The following SGCZ variants were observed in gnomAD, a reference collection of about 807,000 sequenced individuals.
SGCZ encodes zeta-sarcoglycan.
In SGCZ, 40 loss-of-function variants were observed where a neutral mutation model predicts 41.3. The ratio of observed to expected loss-of-function variants is 0.97; its 90% CI spans 0.75 to 1.26. SGCZ has a LOEUF of 1.26. Ranked by LOEUF, SGCZ falls within the 50% of genes most tolerant of loss-of-function variation. The pLI, the probability that SGCZ is intolerant of heterozygous loss-of-function variation, is 0.00. For synonymous variants in SGCZ, 206 were observed against 137.5 expected (o/e 1.50, Z -3.49); for missense variants, 552 against 369.8 (o/e 1.49, Z -4.04).
intron 1 of SGCZ, among the ~76,000 whole-genome samples, chr8:14,778,044 C>A (rs548490753): frequency 2.0e-5 from 3 of 152,196 alleles, no homozygotes; most frequent in African/African-American, 7.2e-5. Context: ...CCACCTTAGC[C>A]TCCCTAGTAG....
At chr8:14,373,867 C>G (rs917003338) in intron 2 of SGCZ, among the ~76,000 whole-genome samples, 1 of 151,980 alleles carries the variant, frequency 6.6e-6, no homozygotes, top group Non-Finnish European at 1.5e-5. Context: ...TGAGAAATAG[C>G]CACACCTGGA....
At chr8:14,208,003 T>C (rs921427837) in intron 4 of SGCZ, among the ~76,000 whole-genome samples, 1 of 152,178 alleles carries the variant, frequency 6.6e-6, no homozygotes, top group Non-Finnish European at 1.5e-5. Context: ...CACACTATGA[T>C]GGACTATTAA....
intron 1 of SGCZ, among the ~76,000 whole-genome samples, chr8:15,205,227 C>G (rs150092619): frequency 2.6e-5 from 4 of 152,154 alleles, no homozygotes; most frequent in African/African-American, 9.6e-5. Flanking sequence ...ACACAAAAAG[C>G]AATCACAACA....
At chr8:14,360,082 C>A (rs949071521) in intron 2 of SGCZ, among the ~76,000 whole-genome samples, 5 of 151,966 alleles carry the variant, frequency 3.3e-5, no homozygotes, top group Admixed American at 1.3e-4. Flanking sequence ...CAAAAACACT[C>A]AAAAAACTGG....
chr8:15,134,672 C>T (rs1349629676), intron 1 of SGCZ, among the ~76,000 whole-genome samples: 1 of 152,062 alleles, frequency 6.6e-6, no homozygotes, highest in Non-Finnish European at 1.5e-5. Flanking sequence ...GACGAGTCAC[C>T]AAAAAGCCCA....
chr8:14,938,417 T>G (rs1276734653), intron 1 of SGCZ, among the ~76,000 whole-genome samples: 2 of 152,188 alleles, frequency 1.3e-5, no homozygotes, highest in Non-Finnish European at 2.9e-5. Flanking sequence ...GTGAAAATGA[T>G]GAAGATGAAG....
intron 2 of SGCZ, among the ~76,000 whole-genome samples, chr8:14,420,505 G>A (rs1799610148): frequency 6.6e-6 from 1 of 151,890 alleles, no homozygotes; most frequent in African/African-American, 2.4e-5. Flanking sequence ...TATTGCTCAG[G>A]TGCTCTAACA....
intron 1 of SGCZ, among the ~76,000 whole-genome samples, chr8:15,227,953 A>G (rs185206078): frequency 2.2e-4 from 33 of 152,344 alleles, no homozygotes; most frequent in East Asian, 1.5e-3. Flanking sequence ...TTGAGACAGC[A>G]TGTTATCATA....
chr8:14,528,910 GA>G (rs1803040873), intron 2 of SGCZ, among the ~76,000 whole-genome samples: 1 of 148,668 alleles, frequency 6.7e-6, no homozygotes, highest in Non-Finnish European at 1.5e-5. Flanking sequence ...TTCATATTTA[GA>G]AGGGATCTCA....
rs59200651 is a variant in SGCZ at position 14,871,826 on chromosome 8, A to G, written c.40-316900T>C. On this transcript the variant is annotated intron_variant, in intron 1 of 7. Coordinates refer to ENST00000382080, the MANE Select transcript of SGCZ (RefSeq NM_139167.4). ...TCAAAAATGTATAATATGTGTGTGT[A>G]TATATATATATATGTATGTATATAT... Among the ~76,000 whole-genome samples the G allele has an allele frequency of 9.9e-3, 1,406 of 141,544 alleles. 15 individuals are homozygous for G. The highest frequency in any genetic ancestry group is 0.034 in the African/African-American group (1,282 of 38,194). 92.9% of individuals were successfully genotyped at this position (141,544 alleles called of 152,430 possible).
intron 2 of SGCZ, among the ~76,000 whole-genome samples, chr8:14,383,548 A>G (rs1804449474): frequency 6.6e-6 from 1 of 152,254 alleles, no homozygotes; most frequent in Admixed American, 6.5e-5. Flanking sequence ...CCAATGGTAG[A>G]TGTTAAACAG....
At chr8:14,920,635 C>G (rs985112388) in intron 1 of SGCZ, among the ~76,000 whole-genome samples, 3 of 152,058 alleles carry the variant, frequency 2.0e-5, no homozygotes, top group Non-Finnish European at 2.9e-5. Context: ...TATTAACATG[C>G]CTAAGCCATA....
chr8:14,172,237 T>C (rs1258767192), intron 4 of SGCZ, among the ~76,000 whole-genome samples: 1 of 152,134 alleles, frequency 6.6e-6, no homozygotes, highest in Non-Finnish European at 1.5e-5. Context: ...TCAGCAAACA[T>C]GCTTTAATTA....
chr8:14,720,010 C>T (rs182386048), intron 1 of SGCZ, among the ~76,000 whole-genome samples: 3 of 152,054 alleles, frequency 2.0e-5, no homozygotes, highest in Admixed American at 1.3e-4. Flanking sequence ...CGTCTTTAAT[C>T]CATCTTGAAT....
At chr8:14,537,171 C>T (rs1010489956) in intron 2 of SGCZ, among the ~76,000 whole-genome samples, 9 of 151,980 alleles carry the variant, frequency 5.9e-5, no homozygotes, top group Admixed American at 3.9e-4. Flanking sequence ...GAGTTATCTC[C>T]TGCAGGACTT....
At chr8:15,180,064 T>G (rs2117084522) in intron 1 of SGCZ, among the ~76,000 whole-genome samples, 1 of 152,346 alleles carries the variant, frequency 6.6e-6, no homozygotes, top group South Asian at 2.1e-4. Context: ...TACAGAAGGT[T>G]GCTTTTCTAG....
chr8:15,194,226 CA>C (rs1165168947), intron 1 of SGCZ, among the ~76,000 whole-genome samples: 13 of 149,032 alleles, frequency 8.7e-5, no homozygotes, highest in East Asian at 7.9e-4. Flanking sequence ...CACACACACA[CA>C]CCACAACCCT....
intron 1 of SGCZ, among the ~76,000 whole-genome samples, chr8:14,564,739 G>C (rs1431436090): frequency 6.6e-6 from 1 of 152,128 alleles, no homozygotes. Flanking sequence ...TATGTGGTGT[G>C]AACTTTCCAT....
intron 1 of SGCZ, among the ~76,000 whole-genome samples, chr8:15,041,797 G>T (rs1804106747): frequency 6.6e-6 from 1 of 150,870 alleles, no homozygotes; most frequent in Non-Finnish European, 1.5e-5. Flanking sequence ...CAATTCCATT[G>T]CAATGAAATA....
Sources: allele counts gnomAD v4.1 joint callset (sites outside exome capture counted in the v4.1 genomes callset), GRCh38; gene constraint gnomAD v4.1.1; transcripts MANE v1.5; gene names NCBI Gene and HGNC (gene_info 2026-07-23, HGNC 2026-07-21).